The following DDX10 variants were observed in gnomAD, a reference collection of about 807,000 sequenced individuals.
The protein encoded by DDX10 is DEAD-box helicase 10, also known as probable ATP-dependent RNA helicase DDX10.
In DDX10, 74 loss-of-function variants were observed where a neutral mutation model predicts 104.3. The ratio of observed to expected loss-of-function variants is 0.71; its 90% CI spans 0.59 to 0.86. The LOEUF (loss-of-function observed/expected upper bound fraction) is 0.86. Ranked by LOEUF, DDX10 falls within the 40% of genes least tolerant of loss-of-function variation. The pLI is 0.00. For missense variants in DDX10, 952 were observed against 1,040.0 expected, an observed-to-expected ratio of 0.92 and a Z score of 1.16; for synonymous variants, 351 against 353.4, an observed-to-expected ratio of 0.99 and a Z score of 0.08.
rs143260229 is a variant in DDX10, at chr11:108,674,884, C to G, written c.248-712C>G. The stretch of plus-strand genomic sequence containing the variant: ...TGTTTGATGAACATCTTCCCACTCT[C>G]CTTACTTCCCCCAGCTTCTGGTAAC... On this transcript the variant is annotated intron_variant, in intron 2 of 17. Transcript: ENST00000322536. 4.2e-4 allele frequency among the ~76,000 whole-genome samples: 64 copies of G among 152,272 alleles called. No individual in the cohort carries two copies. The East Asian group carries it at 9.7e-3, about 23-fold the overall frequency.
At chr11:108,866,302 A>T (rs1342257392) in intron 16 of DDX10, among the ~76,000 whole-genome samples, 1 of 152,172 alleles carries the variant, frequency 6.6e-6, no homozygotes, top group Non-Finnish European at 1.5e-5. Context: ...CTTGGACAGG[A>T]GTGCCAAATG....
Position 108,723,448 on chromosome 11 carries a change from G to A in DDX10, c.1951G>A (p.Glu651Lys), listed in dbSNP as rs745765363. The A allele has an allele frequency of 3.1e-6, 5 of 1,611,038 alleles. No individual in the cohort carries two copies. Among genetic ancestry groups the A allele is most frequent in the African/African-American group, 2.7e-5 (2 of 74,744 alleles). Reference protein sequence around the residue: ...HNVFGLDLKDEKTLQKKEPSK... With the variant: ...HNVFGLDLKDKKTLQKKEPSK... The stretch of plus-strand genomic sequence containing the variant: ...TGTGTTTGGATTGGACCTTAAAGAC[G>A]AGAAAACATTACAGGTAAGTTTACT... The change falls in exon 13 of 18, where the codon GAG becomes AAG. Residue 651 changes from glutamate (E) to lysine (K), a missense_variant. Around this residue, in one of 3 missense-constraint regions of DDX10, gnomAD observed 533 missense variants for 534.1 expected, o/e 1.00. Coordinates refer to ENST00000322536, the MANE Select transcript of DDX10 (RefSeq NM_004398.4).
At chr11:108,762,035 A>G (rs1443934315) in intron 13 of DDX10, among the ~76,000 whole-genome samples, 2 of 152,172 alleles carry the variant, frequency 1.3e-5, no homozygotes, top group Non-Finnish European at 2.9e-5. Flanking sequence ...TCAAATTGCT[A>G]TTTAAGCTTC....
intron 7 of DDX10, among the ~76,000 whole-genome samples, chr11:108,689,917 T>C (rs1326035518): frequency 1.3e-5 from 2 of 152,162 alleles, no homozygotes; most frequent in Non-Finnish European, 2.9e-5. Context: ...TATTTTACCA[T>C]GTAAAGAATG....
chr11:108,891,931 G>T (rs1863381308), intron 16 of DDX10, among the ~76,000 whole-genome samples: 1 of 152,092 alleles, frequency 6.6e-6, no homozygotes, highest in Non-Finnish European at 1.5e-5. Context: ...CCTAACAGCA[G>T]TATCCTCAAT....
chr11:108,675,297 G>C (rs1042072286), intron 2 of DDX10, among the ~76,000 whole-genome samples: 1 of 152,180 alleles, frequency 6.6e-6, no homozygotes, highest in Non-Finnish European at 1.5e-5. Context: ...GGAGTAGGTG[G>C]ATCACAGAAT....
intron 9 of DDX10, among the ~76,000 whole-genome samples, chr11:108,696,429 A>C (rs2134453540): frequency 6.6e-6 from 1 of 152,230 alleles, no homozygotes; most frequent in East Asian, 1.9e-4. Context: ...CGCCCGCCTC[A>C]GCCTCCCAAA....
chr11:108,878,488 T>C (rs1863182324), intron 16 of DDX10, among the ~76,000 whole-genome samples: 1 of 152,232 alleles, frequency 6.6e-6, no homozygotes, highest in African/African-American at 2.4e-5. Flanking sequence ...TTTCTTTTCT[T>C]GTTTTCTTTC....
At chr11:108,845,735 A>G (rs1862707824) in intron 15 of DDX10, among the ~76,000 whole-genome samples, 1 of 152,192 alleles carries the variant, frequency 6.6e-6, no homozygotes, top group Non-Finnish European at 1.5e-5. Flanking sequence ...ATTAATTGTA[A>G]AAGATTTTGT....
chr11:108,787,407 T>C (rs1861809348), intron 13 of DDX10, among the ~76,000 whole-genome samples: 1 of 152,154 alleles, frequency 6.6e-6, no homozygotes. Flanking sequence ...ATTCGGGAGA[T>C]TTTCGTAGAG....
chr11:108,910,728 C>T (rs893969862), intron 16 of DDX10, among the ~76,000 whole-genome samples: 1 of 127,670 alleles, frequency 7.8e-6, no homozygotes. Context: ...AGCGTGCATG[C>T]GTGTGTGTGT....
chr11:108,746,549 T>G (rs2094332130), intron 13 of DDX10, among the ~76,000 whole-genome samples: 1 of 150,386 alleles, frequency 6.6e-6, no homozygotes, highest in African/African-American at 2.4e-5. Context: ...TCATTTCTTT[T>G]GGGTATATAC....
At chr11:108,744,280 A>C (rs568137871) in intron 13 of DDX10, among the ~76,000 whole-genome samples, 53 of 152,280 alleles carry the variant, frequency 3.5e-4, no homozygotes, top group African/African-American at 1.2e-3. Flanking sequence ...ATGAAATGTA[A>C]AGCCTTAGCA....
At chr11:108,862,600 C>T (rs1310357966) in intron 16 of DDX10, among the ~76,000 whole-genome samples, 1 of 152,126 alleles carries the variant, frequency 6.6e-6, no homozygotes, top group East Asian at 1.9e-4. Flanking sequence ...AAACAATTTC[C>T]TCTAAATGAG....
At chr11:108,933,917 A>G (rs1187334729) in intron 17 of DDX10, among the ~76,000 whole-genome samples, 3 of 152,200 alleles carry the variant, frequency 2.0e-5, no homozygotes, top group African/African-American at 7.2e-5. Flanking sequence ...AGAAACATGT[A>G]TTAAGCCCTT....
intron 16 of DDX10, among the ~76,000 whole-genome samples, chr11:108,911,125 C>T (rs968201461): frequency 6.6e-6 from 1 of 152,040 alleles, no homozygotes; most frequent in Non-Finnish European, 1.5e-5. Flanking sequence ...ATGTGGGTAA[C>T]GGTTCTAGAA....
At chr11:108,732,852 TA>T (rs2094313953) in intron 13 of DDX10, among the ~76,000 whole-genome samples, 1 of 152,226 alleles carries the variant, frequency 6.6e-6, no homozygotes, top group Admixed American at 6.5e-5. Flanking sequence ...ATGATTAAAT[TA>T]AAATTTATTT....
intron 16 of DDX10, among the ~76,000 whole-genome samples, chr11:108,871,088 A>G (rs1295850979): frequency 6.6e-6 from 1 of 152,234 alleles, no homozygotes; most frequent in Non-Finnish European, 1.5e-5. Flanking sequence ...GATAGATATT[A>G]GCACACATGG....
intron 1 of DDX10, among the ~76,000 whole-genome samples, chr11:108,668,010 C>T (rs1662321242): frequency 6.6e-6 from 1 of 152,212 alleles, no homozygotes; most frequent in South Asian, 2.1e-4. Context: ...AGTGCTTGTC[C>T]TTGAATAGGT....
Sources: allele counts gnomAD v4.1 joint callset (sites outside exome capture counted in the v4.1 genomes callset), GRCh38; gene constraint gnomAD v4.1.1; regional missense constraint gnomAD v4.1.1; transcripts MANE v1.5; gene names NCBI Gene and HGNC (gene_info 2026-07-23, HGNC 2026-07-21).